The following DLGAP2 variants were observed in gnomAD, a reference collection of about 807,000 sequenced individuals.
DLGAP2 encodes DLG associated protein 2.
DLGAP2 carries 26 observed loss-of-function variants against 100.3 expected under a neutral mutation model. The ratio of observed to expected loss-of-function variants is 0.26; its 90% CI spans 0.19 to 0.36. DLGAP2 has a LOEUF of 0.36. Among genes scored for constraint, DLGAP2 ranks in the 10% least tolerant of loss-of-function variants. The pLI is 1.00. For missense variants in DLGAP2, 1,858 were observed against 1,453.2 expected (o/e 1.28, Z -4.53); for synonymous variants, 886 against 630.1 (o/e 1.41, Z -6.08).
intron 2 of DLGAP2, among the ~76,000 whole-genome samples, chr8:1,166,095 C>T (rs916461805): frequency 1.3e-5 from 2 of 152,222 alleles, no homozygotes; most frequent in Admixed American, 6.5e-5. Context: ...TGCCCTCTCT[C>T]AGGTCATGGC....
intron 4 of DLGAP2, among the ~76,000 whole-genome samples, chr8:1,537,429 C>G (rs892820670): frequency 2.0e-5 from 3 of 152,116 alleles, no homozygotes; most frequent in Non-Finnish European, 4.4e-5. Flanking sequence ...CAAATGATAT[C>G]TGCCAAACCC....
intron 2 of DLGAP2, among the ~76,000 whole-genome samples, chr8:1,254,595 C>T (rs73670697): frequency 0.094 from 14,344 of 152,138 alleles, 1,752 homozygotes; most frequent in African/African-American, 0.28. Flanking sequence ...GACGGCTTCT[C>T]GCATCTGCAT....
intron 8 of DLGAP2, among the ~76,000 whole-genome samples, chr8:1,649,611 G>A (rs1028371207): frequency 1.3e-5 from 2 of 152,170 alleles, no homozygotes; most frequent in African/African-American, 4.8e-5. Context: ...ATTTTCCAAT[G>A]ACATAGAAGG....
intron 2 of DLGAP2, among the ~76,000 whole-genome samples, chr8:1,158,906 G>A (rs748283232): frequency 1.3e-5 from 2 of 152,244 alleles, no homozygotes; most frequent in African/African-American, 2.4e-5. Flanking sequence ...GGCCTGACCA[G>A]TGGAACTGAA....
intron 2 of DLGAP2, among the ~76,000 whole-genome samples, chr8:910,016 G>T (rs1798453566): frequency 1.3e-5 from 2 of 152,196 alleles, no homozygotes; most frequent in Non-Finnish European, 2.9e-5. Flanking sequence ...AGTTTTCGCA[G>T]TTTCTCATTA....
chr8:1,420,071 C>G (rs1301882777), intron 3 of DLGAP2, among the ~76,000 whole-genome samples: 1 of 152,138 alleles, frequency 6.6e-6, no homozygotes, highest in Non-Finnish European at 1.5e-5. Flanking sequence ...ACTGGCCATC[C>G]CTGATCCAGC....
chr8:1,689,141 TCC>T (rs372776849), intron 12 of DLGAP2, among the ~76,000 whole-genome samples: 14 of 152,286 alleles, frequency 9.2e-5, no homozygotes, highest in African/African-American at 2.9e-4. Context: ...TGGGTTCACT[TCC>T]CTGGACCTCG....
chr8:945,858 A>G (rs952541825), intron 2 of DLGAP2, among the ~76,000 whole-genome samples: 3 of 151,186 alleles, frequency 2.0e-5, no homozygotes, highest in African/African-American at 7.3e-5. Flanking sequence ...CTCTTTGCCT[A>G]CATTAATGTT....
chr8:1,656,034 A>C (rs571371739), intron 8 of DLGAP2, among the ~76,000 whole-genome samples: 28 of 152,296 alleles, frequency 1.8e-4, no homozygotes, highest in Admixed American at 1.4e-3. Flanking sequence ...ATATTTTAGA[A>C]TATTGGAGGC....
chr8:1,194,463 C>T (rs1205308161), intron 2 of DLGAP2, among the ~76,000 whole-genome samples: 3 of 152,166 alleles, frequency 2.0e-5, no homozygotes, highest in Non-Finnish European at 4.4e-5. Context: ...GGGAGGACGG[C>T]AGAGCTTCCC....
chr8:1,653,444 G>A (rs999294630), intron 8 of DLGAP2, among the ~76,000 whole-genome samples: 3 of 152,180 alleles, frequency 2.0e-5, no homozygotes, highest in African/African-American at 7.2e-5. Flanking sequence ...CAAGGCTGCC[G>A]GCTTCCTGGC....
intron 4 of DLGAP2, among the ~76,000 whole-genome samples, chr8:1,536,288 A>C (rs1801151675): frequency 6.6e-6 from 1 of 152,108 alleles, no homozygotes; most frequent in Non-Finnish European, 1.5e-5. Context: ...ATGGGTAGTG[A>C]CTGACGACTT....
At chr8:1,223,602 G>T (rs4506245) in intron 2 of DLGAP2, among the ~76,000 whole-genome samples, 1 of 152,024 alleles carries the variant, frequency 6.6e-6, no homozygotes, top group Non-Finnish European at 1.5e-5. Context: ...ATGACATTAA[G>T]AATTGTAAGT....
At chr8:1,509,282 T>C (rs902635077) in intron 4 of DLGAP2, among the ~76,000 whole-genome samples, 15 of 148,644 alleles carry the variant, frequency 1.0e-4, no homozygotes, top group Non-Finnish European at 1.5e-4. Flanking sequence ...AGTGAGCTGA[T>C]ATTACGCCTC....
chr8:1,567,449 C>G (rs1230252200), intron 6 of DLGAP2, among the ~76,000 whole-genome samples: 1 of 152,206 alleles, frequency 6.6e-6, no homozygotes, highest in Non-Finnish European at 1.5e-5. Context: ...TTGCATAATT[C>G]TATATGTTTG....
chr8:1,690,691 G>C (rs1267267562), intron 12 of DLGAP2, among the ~76,000 whole-genome samples: 5 of 104,266 alleles, frequency 4.8e-5, no homozygotes, highest in Admixed American at 1.2e-4. Flanking sequence ...GCGATAAAGG[G>C]AGACCCTATC....
chr8:1,124,892 G>T (rs778920462), intron 2 of DLGAP2, among the ~76,000 whole-genome samples: 19 of 152,152 alleles, frequency 1.2e-4, no homozygotes, highest in Non-Finnish European at 2.6e-4. Flanking sequence ...TCCCATTCCA[G>T]TTGCTGAGGC....
At chr8:1,019,114 A>C (rs1801556338) in intron 2 of DLGAP2, 1 of 152,240 alleles carries the variant, frequency 6.6e-6, no homozygotes, top group Non-Finnish European at 1.5e-5. Context: ...CAGCCACGCC[A>C]GCCACGCCAG....
intron 1 of DLGAP2, among the ~76,000 whole-genome samples, chr8:855,353 T>C (rs796355087): frequency 6.6e-6 from 1 of 152,178 alleles, no homozygotes; most frequent in African/African-American, 2.4e-5. Context: ...GAGCGTTCTC[T>C]GTGCTCCCCA....
Sources: allele counts gnomAD v4.1 joint callset (sites outside exome capture counted in the v4.1 genomes callset), GRCh38; gene constraint gnomAD v4.1.1; transcripts MANE v1.5; gene names NCBI Gene and HGNC (gene_info 2026-07-23, HGNC 2026-07-21).